Variants in KRT76 observed in about 807,000 individuals in gnomAD.
The protein encoded by KRT76 is keratin, type II cytoskeletal 2 oral.
In KRT76, 47 loss-of-function variants were observed where a neutral mutation model predicts 44.9. The ratio of observed to expected loss-of-function variants is 1.05; its 90% CI spans 0.83 to 1.33. The LOEUF is 1.33. Among genes scored for constraint, KRT76 ranks in the 40% most tolerant of loss-of-function variants. The pLI is 0.00. For synonymous variants in KRT76, 331 were observed against 294.1 expected (o/e 1.13, Z -1.28); for missense variants, 860 against 775.8 (o/e 1.11, Z -1.29).
intron 1 of KRT76, 152 bp from the exon 2 acceptor site, chr12:52,775,754 G>A (rs958419963): frequency 1.6e-6 from 1 of 637,496 alleles, no homozygotes; most frequent in Non-Finnish European, 2.7e-6. Flanking sequence ...ATTTAGCAAA[G>A]GGAGAGCTAG....
At position 52,768,496 on chromosome 12, in the gene KRT76, G is replaced by A; in HGVS notation, c.*217C>T. 1 of 532,116 alleles carries A rather than the reference G, an allele frequency of 1.9e-6. No homozygotes were observed. The highest frequency in any genetic ancestry group is 3.3e-6 in the Non-Finnish European group (1 of 306,910). 33.0% of individuals were successfully genotyped at this position (532,116 alleles called of 1,614,324 possible). ...CAAAGTAAGGGGCCATTGCAGGAAG[G>A]TTTCCAGGGGCATCATCATCCCAGA... On this transcript the variant is annotated 3_prime_UTR_variant, in exon 9 of 9. Transcript: ENST00000332411.
chr12:52,776,021 GT>G (rs1939256363), intron 1 of KRT76, among the ~76,000 whole-genome samples: 1 of 152,236 alleles, frequency 6.6e-6, no homozygotes, highest in East Asian at 1.9e-4. Flanking sequence ...GTTTGTCATT[GT>G]TTTTTAGATG....
chr12:52,769,151 G>T, intron 8 of KRT76, 41 bp from the exon 9 acceptor site: 1 of 663,092 alleles, frequency 1.5e-6, no homozygotes, highest in Non-Finnish European at 2.8e-6. Context: ...AAGGGCCTGG[G>T]AAACTGGAAG....
intron 2 of KRT76, among the ~76,000 whole-genome samples, chr12:52,775,101 T>A (rs1296048626): frequency 2.0e-5 from 3 of 152,140 alleles, no homozygotes; most frequent in African/African-American, 7.2e-5. Context: ...TCCAGTCAAG[T>A]GTGGCGGACT....
intron 6 of KRT76, among the ~76,000 whole-genome samples, chr12:52,771,429 C>T (rs1453655958): frequency 6.6e-6 from 1 of 152,184 alleles, no homozygotes; most frequent in Non-Finnish European, 1.5e-5. Flanking sequence ...AGAAAGGGAG[C>T]ACTAATTTGC....
intron 7 of KRT76, among the ~76,000 whole-genome samples, chr12:52,770,022 A>C (rs1036510290): frequency 6.6e-6 from 1 of 152,154 alleles, no homozygotes; most frequent in Non-Finnish European, 1.5e-5. Context: ...GGGGTTGTTC[A>C]GGGTGGAGAA....
At position 52,777,121 on chromosome 12, in the gene KRT76, G is replaced by A. The variant is rs775200433; in HGVS notation, c.171C>T (p.Ser57=). 6.8e-6 allele frequency: 11 copies of A among 1,614,082 alleles called. No individual in the cohort carries two copies. Among genetic ancestry groups the A allele is most frequent in the South Asian group, 2.2e-5 (2 of 91,082 alleles). The change falls in exon 1 of 9, where the codon AGC becomes AGT. Residue 57 remains serine, a synonymous_variant. Coordinates refer to ENST00000332411, the MANE Select transcript of KRT76 (RefSeq NM_015848.4). The stretch of plus-strand genomic sequence containing the variant: ...TCTTGTTGCTGCCCAGGTTGTAGAG[G>A]CTGCGACTGCCAAAGCTGCCTGCTC... The part of the protein sequence containing the change: ...RSGAGSFGSR[S]LYNLGSNKSI...
In KRT76 at chr12:52,776,719, G is replaced by A. The variant is rs1309055943; in HGVS notation, c.573C>T (p.Asn191=). 1.2e-6 allele frequency: 2 copies of A among 1,614,046 alleles called. No homozygotes were observed. The highest frequency in any genetic ancestry group is 2.2e-5 in the East Asian group (1 of 44,878). ...AQEREQIKTL[N]NKFASFIDKV... The stretch of plus-strand genomic sequence containing the variant: ...TGTCGATGAAGGAGGCAAACTTGTT[G>A]TTGAGGGTCTTGATCTGTTCCCGCT... The change falls in exon 1 of 9, where the codon AAC becomes AAT. Residue 191 remains asparagine, a synonymous_variant. Coordinates refer to ENST00000332411, the MANE Select transcript of KRT76 (RefSeq NM_015848.4).
chr12:52,771,183 G>GT lies in KRT76; in HGVS notation c.1299_1300insA (p.Gln434ThrfsTer25). 6.2e-7 allele frequency: 1 copy of GT among 1,614,190 alleles called. No homozygotes were observed. Among genetic ancestry groups the GT allele is most frequent in the Non-Finnish European group, 8.5e-7 (1 of 1,180,044 alleles). On this transcript the variant is annotated frameshift_variant, in exon 7 of 9. Coordinates refer to ENST00000332411, the MANE Select transcript of KRT76 (RefSeq NM_015848.4). LOFTEE classifies it high-confidence loss of function. ...TCCTTGAGGGCCATCTCTCCACGCT[G>GT]CTCAGCCTCTGCAATTGCCGTCTGC...
In KRT76 at chr12:52,776,786, T is replaced by C. The variant is rs1210319193; in HGVS notation, c.506A>G (p.Asn169Ser). 16 of 1,614,134 alleles carry C rather than the reference T, an allele frequency of 9.9e-6. No individual in the cohort carries two copies. The East Asian group carries it at 1.6e-4, about 16-fold the overall frequency. ...IVNQSLLQPL[N>S]VEIDPQIGQV... ...CCCAATCTGGGGGTCGATCTCCACA[T>C]TGAGGGGCTGCAGGAGACTCTGGTT... The change falls in exon 1 of 9, where the codon AAT (asparagine) becomes AGT (serine). Residue 169 changes from asparagine (N) to serine (S), a missense_variant. Asn to Ser is a conservative substitution (Grantham distance 46). Transcript: ENST00000332411.
intron 1 of KRT76, 89 bp from the exon 2 acceptor site, chr12:52,775,691 C>T (rs770602718): frequency 2.1e-6 from 2 of 963,540 alleles, no homozygotes; most frequent in Non-Finnish European, 3.2e-6. Flanking sequence ...GGAGAAGGAA[C>T]CCAGTTCTTC....
intron 8 of KRT76, among the ~76,000 whole-genome samples, 184 bp from the exon 9 acceptor site, chr12:52,769,294 C>A (rs1460773515): frequency 6.6e-6 from 1 of 152,192 alleles, no homozygotes; most frequent in Non-Finnish European, 1.5e-5. Context: ...GAACAGGAAC[C>A]AGAAATCTAC....
rs1939119733 is a variant in KRT76, at chr12:52,768,250, G to A, written c.*463C>T. The A allele has an allele frequency of 6.3e-6, 1 of 158,280 alleles. No individual in the cohort carries two copies. The highest frequency in any genetic ancestry group is 1.4e-5 in the Non-Finnish European group (1 of 72,074). The allele number at this position is 158,280 out of a possible 1,614,324, so 9.8% of individuals were successfully genotyped here. Reference sequence around the variant, plus strand: ...GAATTAGGGGACAGAAGGGAGTCAGGATCTGAAGCCCAGATGTAGGGAGGG... The same window carrying A: ...GAATTAGGGGACAGAAGGGAGTCAGAATCTGAAGCCCAGATGTAGGGAGGG... On this transcript the variant is annotated 3_prime_UTR_variant, in exon 9 of 9. Coordinates refer to ENST00000332411, the MANE Select transcript of KRT76 (RefSeq NM_015848.4).
chr12:52,769,268 T>C (rs527597991), intron 8 of KRT76, among the ~76,000 whole-genome samples, 158 bp from the exon 9 acceptor site: 3 of 152,364 alleles, frequency 2.0e-5, no homozygotes, highest in South Asian at 4.1e-4. Context: ...GCCTGGCCTC[T>C]AGTGCCTTCT....
At chr12:52,772,924 C>G (rs369373569) in intron 3 of KRT76, 46 bp from the exon 4 acceptor site, 1 of 1,380,188 alleles carries the variant, frequency 7.2e-7, no homozygotes, top group East Asian at 2.3e-5. Context: ...CTGTTCCCCT[C>G]CCACCCAGTG....
chr12:52,776,602 C>T, intron 1 of KRT76, 90 bp downstream of exon 1: 2 of 1,602,130 alleles, frequency 1.2e-6, no homozygotes, highest in African/African-American at 1.3e-5. Context: ...AGCGCCCCTG[C>T]CCTGTGTCTC....
chr12:52,771,870 C>T lies in KRT76; in HGVS notation c.1263+1G>A, dbSNP rs1448414139. The T allele has an allele frequency of 4.3e-6, 7 of 1,613,180 alleles. No homozygotes were observed. The highest frequency in any genetic ancestry group is 1.7e-5 in the Admixed American group (1 of 59,952). On this transcript the variant is annotated splice_donor_variant, in intron 6 of 8. Transcript: ENST00000332411. LOFTEE classifies it high-confidence loss of function. ...GATCTCTCCGTTAAACCCAGCCCCA[C>T]CTGCTTCTTGACATTTTCAATCTCA...
chr12:52,771,251 C>T (rs779863483), intron 6 of KRT76, 32 bp from the exon 7 acceptor site: 10 of 1,596,624 alleles, frequency 6.3e-6, no homozygotes, highest in Admixed American at 5.0e-5. Context: ...CATAGTGACC[C>T]GGAAACAAAC....
intron 2 of KRT76, among the ~76,000 whole-genome samples, chr12:52,773,884 T>C (rs538948268): frequency 6.7e-6 from 1 of 149,750 alleles, no homozygotes; most frequent in African/African-American, 2.5e-5. Context: ...TAGGCTGGAG[T>C]GCAGTGGCAC....
Sources: allele counts gnomAD v4.1 joint callset (sites outside exome capture counted in the v4.1 genomes callset), GRCh38; gene constraint gnomAD v4.1.1; transcripts MANE v1.5; gene names NCBI Gene and HGNC (gene_info 2026-07-23, HGNC 2026-07-21).